DCBLD1: variants seen among roughly 807,000 people sequenced by gnomAD.
DCBLD1 encodes discoidin, CUB and LCCL domain containing 1, also known as discoidin, CUB and LCCL domain-containing protein 1.
A neutral mutation model predicts 71.5 loss-of-function variants in DCBLD1; 57 were observed. That is an observed-to-expected ratio of 0.80 (90% confidence interval 0.64 to 0.99). DCBLD1 has a LOEUF of 0.99. Among genes scored for constraint, DCBLD1 ranks in the 50% least tolerant of loss-of-function variants. The pLI is 0.00. For missense variants in DCBLD1, 891 were observed against 923.5 expected (o/e 0.96, Z 0.46); for synonymous variants, 380 against 363.8 (o/e 1.04, Z -0.51).
intron 2 of DCBLD1, among the ~76,000 whole-genome samples, chr6:117,516,756 C>T (rs1399990863): frequency 1.3e-5 from 2 of 152,198 alleles, no homozygotes; most frequent in Non-Finnish European, 2.9e-5. Flanking sequence ...AGGCAAAAGG[C>T]ACGTCTCACC....
At chr6:117,492,638 C>CT (rs1166689421) in intron 1 of DCBLD1, among the ~76,000 whole-genome samples, 1 of 152,148 alleles carries the variant, frequency 6.6e-6, no homozygotes, top group Admixed American at 6.5e-5. Flanking sequence ...CTAACCATTG[C>CT]TTTTATAGCA....
At chr6:117,540,597 T>G in intron 9 of DCBLD1, 71 bp from the exon 10 acceptor site, 1 of 1,573,350 alleles carries the variant, frequency 6.4e-7, no homozygotes, top group Non-Finnish European at 8.7e-7. Flanking sequence ...TATAACCAGG[T>G]ATAAGTGGGA....
intron 1 of DCBLD1, among the ~76,000 whole-genome samples, chr6:117,493,910 G>A (rs1210835310): frequency 2.0e-5 from 3 of 152,044 alleles, no homozygotes; most frequent in South Asian, 4.2e-4. Flanking sequence ...TAAGCTACTG[G>A]GTATACACTT....
At chr6:117,556,252 G>T (rs1335109970) in intron 14 of DCBLD1, among the ~76,000 whole-genome samples, 1 of 152,136 alleles carries the variant, frequency 6.6e-6, no homozygotes, top group Admixed American at 6.5e-5. Context: ...GGGGGTAGAA[G>T]TGCAGGTTTT....
chr6:117,546,447 G>T (rs1779267491), intron 14 of DCBLD1, among the ~76,000 whole-genome samples: 1 of 152,138 alleles, frequency 6.6e-6, no homozygotes, highest in Non-Finnish European at 1.5e-5. Context: ...GGTGACGCCT[G>T]TGCACATCAG....
chr6:117,563,213 G>T, intron 14 of DCBLD1: 3 of 1,588,868 alleles, frequency 1.9e-6, no homozygotes, highest in Non-Finnish European at 1.7e-6. Flanking sequence ...CCCAAATTCA[G>T]AATAGTCTGA....
chr6:117,491,038 A>G (rs2114372291), intron 1 of DCBLD1, among the ~76,000 whole-genome samples: 1 of 152,332 alleles, frequency 6.6e-6, no homozygotes, highest in Non-Finnish European at 1.5e-5. Flanking sequence ...TTGAATTACC[A>G]AGGCATAAAA....
intron 14 of DCBLD1, among the ~76,000 whole-genome samples, chr6:117,564,927 C>T: frequency 6.6e-6 from 1 of 152,158 alleles, no homozygotes; most frequent in East Asian, 1.9e-4. Flanking sequence ...AACAGTTTAT[C>T]AGTTCACCAT....
chr6:117,490,927 C>A (rs1284330029), intron 1 of DCBLD1, among the ~76,000 whole-genome samples: 1 of 152,026 alleles, frequency 6.6e-6, no homozygotes, highest in East Asian at 1.9e-4. Flanking sequence ...TTAAGAAGCA[C>A]GGTATTCTTG....
chr6:117,523,525 C>G (rs1422586715), intron 4 of DCBLD1, among the ~76,000 whole-genome samples: 1 of 152,104 alleles, frequency 6.6e-6, no homozygotes, highest in African/African-American at 2.4e-5. Context: ...TCATATACAT[C>G]ATTAGAACTG....
chr6:117,538,484 G>A (rs1225216366), intron 7 of DCBLD1, 136 bp from the exon 8 acceptor site: 1 of 767,054 alleles, frequency 1.3e-6, no homozygotes, highest in Non-Finnish European at 2.1e-6. Flanking sequence ...TTTAAAAGCT[G>A]GTAATTAAAC....
Position 117,543,191 on chromosome 6 carries a change from G to A in DCBLD1, c.1425G>A (p.Gly475=), listed in dbSNP as rs1779158517. Residue 475 remains glycine (G), a synonymous_variant, in exon 12 of 15, where the codon GGG becomes GGA. Transcript: ENST00000338728. The part of the protein sequence containing the change: ...LLVVLVFAGM[G]IFAAFRKKKK... ...TTGTCCTGGTGTTTGCTGGAATGGGGATCTTTGCAGCCTTTAGAAAGTATG... is the reference window on the plus strand; with the variant it reads ...TTGTCCTGGTGTTTGCTGGAATGGGAATCTTTGCAGCCTTTAGAAAGTATG... 1.2e-6 allele frequency: 2 copies of A among 1,613,844 alleles called. No individual in the cohort carries two copies. Among genetic ancestry groups the A allele is most frequent in the African/African-American group, 1.3e-5 (1 of 74,902 alleles).
In DCBLD1 at chr6:117,486,704, T is replaced by C. The variant is rs149732337; in HGVS notation, c.112+3811T>C. Among the ~76,000 whole-genome samples the C allele has an allele frequency of 5.3e-3, 812 of 152,350 alleles. 9 individuals carry two copies. The highest frequency in any genetic ancestry group is 0.018 in the African/African-American group (749 of 41,576). ...GATGTTGTCCTCTCAGGGAGAACTT[T>C]CCTAAGCACTTGAAACCCTCTCTTC... is the stretch of plus-strand genomic sequence containing the variant. On this transcript the variant is annotated intron_variant, in intron 1 of 14. Transcript: ENST00000338728.
intron 2 of DCBLD1, chr6:117,508,165 A>G (rs990751804): frequency 1.3e-5 from 2 of 152,180 alleles, no homozygotes; most frequent in Admixed American, 6.5e-5. Context: ...GATAATAGAA[A>G]GTTGATTAAG....
At chr6:117,527,600 C>G (rs1012003044) in intron 5 of DCBLD1, among the ~76,000 whole-genome samples, 6 of 152,152 alleles carry the variant, frequency 3.9e-5, no homozygotes, top group Admixed American at 3.9e-4. Flanking sequence ...ATAAAAGTTA[C>G]AGGGATGCCA....
At chr6:117,501,915 CT>C (rs1278135134) in intron 1 of DCBLD1, among the ~76,000 whole-genome samples, 1 of 152,182 alleles carries the variant, frequency 6.6e-6, no homozygotes, top group Non-Finnish European at 1.5e-5. Flanking sequence ...ATATTGGCCT[CT>C]GTGTTGCAAT....
At chr6:117,530,039 TAGGC>T (rs1468895386) in intron 5 of DCBLD1, among the ~76,000 whole-genome samples, 8 of 152,108 alleles carry the variant, frequency 5.3e-5, no homozygotes, top group Non-Finnish European at 4.4e-5. Context: ...GAGCTCTCAA[TAGGC>T]AGGGTTCCTA....
At chr6:117,531,036 A>C (rs890242959) in intron 5 of DCBLD1, among the ~76,000 whole-genome samples, 1 of 152,148 alleles carries the variant, frequency 6.6e-6, no homozygotes, top group Non-Finnish European at 1.5e-5. Flanking sequence ...CACTTTGCCA[A>C]ACCTAATCTA....
chr6:117,549,117 G>A lies in DCBLD1; in HGVS notation c.*678G>A, dbSNP rs1440035651. On this transcript the variant is annotated 3_prime_UTR_variant, in exon 15 of 15. Transcript: ENST00000338728. ...ACCTCAGCAGCTGCCCGTTTCCTTA[G>A]TCTCCACTTCAGAGGGGGATGCGAA... The A allele has an allele frequency of 1.0e-6, 1 of 985,832 alleles. No homozygotes were observed. The highest frequency in any genetic ancestry group is 1.7e-5 in the African/African-American group (1 of 57,358). 61.1% of individuals were successfully genotyped at this position (985,832 alleles called of 1,614,324 possible). A position where few individuals can be genotyped will look rare whatever the true frequency, so the allele number is the denominator to read the frequency against.
Sources: allele counts gnomAD v4.1 joint callset (sites outside exome capture counted in the v4.1 genomes callset), GRCh38; gene constraint gnomAD v4.1.1; transcripts MANE v1.5; gene names NCBI Gene and HGNC (gene_info 2026-07-23, HGNC 2026-07-21).